Variants in SLC45A4 observed in about 807,000 individuals in gnomAD.
SLC45A4 encodes the protein polyamine-transporter SLC45A4.
In SLC45A4, 32 loss-of-function variants were observed where a neutral mutation model predicts 63.7. That is an observed-to-expected ratio of 0.50 (90% CI 0.38 to 0.67). The LOEUF is 0.67. Ranked by LOEUF, SLC45A4 falls within the 30% of genes least tolerant of loss-of-function variation. The pLI, the probability that SLC45A4 is intolerant of heterozygous loss-of-function variation, is 0.00. For missense variants in SLC45A4, 1,027 were observed against 1,157.7 expected (o/e 0.89, Z 1.64); for synonymous variants, 535 against 510.0 (o/e 1.05, Z -0.66).
At chr8:141,262,378 A>T (rs1265121055) in intron 1 of SLC45A4, among the ~76,000 whole-genome samples, 2 of 148,160 alleles carry the variant, frequency 1.3e-5, no homozygotes, top group Admixed American at 6.8e-5. Flanking sequence ...GGATCTAATT[A>T]AACTAAAGAG....
At chr8:141,220,555 C>T (rs962272902) in intron 3 of SLC45A4, among the ~76,000 whole-genome samples, 1 of 152,192 alleles carries the variant, frequency 6.6e-6, no homozygotes, top group African/African-American at 2.4e-5. Flanking sequence ...CTCCACTTCC[C>T]ACCAGGGAGA....
At chr8:141,236,262 A>G (rs1827622409) in intron 2 of SLC45A4, among the ~76,000 whole-genome samples, 1 of 152,208 alleles carries the variant, frequency 6.6e-6, no homozygotes, top group Non-Finnish European at 1.5e-5. Flanking sequence ...GTAGGCGTCC[A>G]GAGAAAGCCG....
At chr8:141,249,630 C>T (rs1589812062) in intron 2 of SLC45A4, among the ~76,000 whole-genome samples, 2 of 152,300 alleles carry the variant, frequency 1.3e-5, no homozygotes, top group East Asian at 1.9e-4. Flanking sequence ...GTGGCAGCCA[C>T]ACCACTGTGG....
intron 1 of SLC45A4, among the ~76,000 whole-genome samples, chr8:141,267,344 G>A (rs747418295): frequency 7.9e-5 from 12 of 152,268 alleles, no homozygotes; most frequent in Admixed American, 6.5e-4. Flanking sequence ...CACTGGAGTG[G>A]AGACGCTGAG....
At chr8:141,250,264 A>G (rs182813138) in intron 2 of SLC45A4, among the ~76,000 whole-genome samples, 7 of 152,340 alleles carry the variant, frequency 4.6e-5, no homozygotes, top group Admixed American at 2.0e-4. Flanking sequence ...ACTTGAAACC[A>G]TATCTTGAGT....
rs142818740 is a variant in SLC45A4, at chr8:141,228,232, C to A, written c.242-6467G>T. On this transcript the variant is annotated intron_variant, in intron 2 of 8. Transcript: ENST00000517878. Reference sequence around the variant, plus strand: ...CAGTGGACTCACAAGGGTCTTTGGACGGGACAGCCCTGAGGCTGGGCTTGC... The same window carrying A: ...CAGTGGACTCACAAGGGTCTTTGGAAGGGACAGCCCTGAGGCTGGGCTTGC... 6.2e-7 allele frequency: 1 copy of A among 1,614,046 alleles called. No individual in the cohort carries two copies. Among genetic ancestry groups the A allele is most frequent in the Non-Finnish European group, 8.5e-7 (1 of 1,179,974 alleles).
At chr8:141,217,762 A>G (rs1232380205) in intron 5 of SLC45A4, among the ~76,000 whole-genome samples, 1 of 152,194 alleles carries the variant, frequency 6.6e-6, no homozygotes, top group African/African-American at 2.4e-5. Flanking sequence ...CAGTATCAGC[A>G]TTCACGACTG....
At chr8:141,242,284 A>G (rs1827954531) in intron 2 of SLC45A4, among the ~76,000 whole-genome samples, 2 of 152,254 alleles carry the variant, frequency 1.3e-5, no homozygotes, top group Admixed American at 6.5e-5. Context: ...AGCTCATGTG[A>G]CAGATAGAAT....
intron 1 of SLC45A4, among the ~76,000 whole-genome samples, chr8:141,257,219 C>T (rs1349280011): frequency 6.6e-6 from 1 of 152,170 alleles, no homozygotes; most frequent in Non-Finnish European, 1.5e-5. Flanking sequence ...TAATAAGGAC[C>T]AACATTCTGC....
chr8:141,228,319 G>A (rs1827150932), intron 2 of SLC45A4: 1 of 1,603,692 alleles, frequency 6.2e-7, no homozygotes, highest in Non-Finnish European at 8.5e-7. Flanking sequence ...CAACTCCCAG[G>A]GGGCCACTGT....
chr8:141,219,316 C>T (rs1387927269), intron 4 of SLC45A4, among the ~76,000 whole-genome samples: 1 of 152,260 alleles, frequency 6.6e-6, no homozygotes, highest in African/African-American at 2.4e-5. Flanking sequence ...CCTCTGCATA[C>T]GGAGCTGGCC....
rs1462484532 is a variant in SLC45A4 at position 141,263,781 on chromosome 8, A to T, written c.-400-9152T>A. ...CAAGACTCCGTCTCAAAAAAAAAAA[A>T]AATAAAAATAATAATAAAAACAAAA... On this transcript the variant is annotated intron_variant, in intron 1 of 8. Coordinates refer to ENST00000517878, the MANE Select transcript of SLC45A4 (RefSeq NM_001286646.2). Among the ~76,000 whole-genome samples, 732 of 140,422 alleles carry T rather than the reference A, an allele frequency of 5.2e-3. 6 individuals are homozygous for T. The highest frequency in any genetic ancestry group is 0.016 in the African/African-American group (636 of 38,636). The allele number at this position is 140,422 out of a possible 152,430, so 92.1% of individuals were successfully genotyped here.
At chr8:141,305,968 G>A (rs766489464) in intron 1 of SLC45A4, among the ~76,000 whole-genome samples, 26 of 152,340 alleles carry the variant, frequency 1.7e-4, no homozygotes, top group Middle Eastern at 6.8e-3. Flanking sequence ...GGATCTCAGA[G>A]CTCACGGAAA....
At chr8:141,217,473 A>G (rs192314052) in intron 5 of SLC45A4, among the ~76,000 whole-genome samples, 1 of 152,352 alleles carries the variant, frequency 6.6e-6, no homozygotes, top group Non-Finnish European at 1.5e-5. Context: ...GACTTGCAGA[A>G]GTGACGCTCC....
intron 1 of SLC45A4, among the ~76,000 whole-genome samples, chr8:141,288,113 G>T (rs1830219914): frequency 6.6e-6 from 1 of 152,092 alleles, no homozygotes; most frequent in Non-Finnish European, 1.5e-5. Flanking sequence ...GGAGTTTTAG[G>T]CTGCAATGAA....
rs142854017 is a variant in SLC45A4 at position 141,241,346 on chromosome 8, G to A, written c.241+12643C>T. ...CAAGAGTTGCTCTGGGGACAGTGGC[G>A]AGGTCCAAGGACGCTTGCCTATGGT... On this transcript the variant is annotated intron_variant, in intron 2 of 8. Coordinates refer to ENST00000517878, the MANE Select transcript of SLC45A4 (RefSeq NM_001286646.2). Among the ~76,000 whole-genome samples, 409 of 152,260 alleles carry A rather than the reference G, an allele frequency of 2.7e-3. 2 individuals carry two copies. Among genetic ancestry groups the A allele is most frequent in the African/African-American group, 9.4e-3 (390 of 41,560 alleles).
At chr8:141,288,160 C>T (rs565383041) in intron 1 of SLC45A4, among the ~76,000 whole-genome samples, 4 of 152,232 alleles carry the variant, frequency 2.6e-5, no homozygotes, top group Admixed American at 2.0e-4. Flanking sequence ...CCAGCCTGGG[C>T]GACAGGCTTG....
At chr8:141,257,112 A>G (rs1437445835) in intron 1 of SLC45A4, among the ~76,000 whole-genome samples, 1 of 152,190 alleles carries the variant, frequency 6.6e-6, no homozygotes, top group Non-Finnish European at 1.5e-5. Context: ...TCGGCCTCCC[A>G]AAGTGCTGGG....
chr8:141,300,922 C>T (rs1284637150), intron 1 of SLC45A4, among the ~76,000 whole-genome samples: 4 of 152,230 alleles, frequency 2.6e-5, no homozygotes, highest in Non-Finnish European at 2.9e-5. Flanking sequence ...GACGAAGTGG[C>T]GTGGACCTTA....
Sources: gnomAD v4.1 joint callset for allele counts (sites outside exome capture counted in the v4.1 genomes callset) on GRCh38, gnomAD v4.1.1 for gene constraint, MANE v1.5 for transcripts, NCBI Gene and HGNC (gene_info 2026-07-23, HGNC 2026-07-21) for gene names.